RYR1: variants seen among roughly 807,000 people sequenced by gnomAD.
The protein encoded by RYR1 is ryanodine receptor 1, also known as central core disease of muscle.
In RYR1, 342 loss-of-function variants were observed where a neutral mutation model predicts 583.5. The ratio of observed to expected loss-of-function variants is 0.59; its 90% CI spans 0.54 to 0.64. RYR1 has a LOEUF of 0.64. RYR1 is among the 30% of genes least tolerant of loss of function. The pLI, the probability that RYR1 is intolerant of heterozygous loss-of-function variation, is 0.00. For synonymous variants in RYR1, 2,791 were observed against 2,822.5 expected (o/e 0.99, Z 0.35); for missense variants, 6,032 against 6,917.2 (o/e 0.87, Z 4.54).
intron 47 of RYR1, among the ~76,000 whole-genome samples, chr19:38,501,617 G>A (rs1486795736): frequency 3.3e-5 from 5 of 152,204 alleles, no homozygotes; most frequent in South Asian, 2.1e-4. Context: ...AGTGACCACC[G>A]ATTTGGCAAA....
In RYR1 at chr19:38,477,727, G is replaced by C; in HGVS notation, c.4311G>C (p.Arg1437Ser). Residue 1437 changes from arginine to serine, a missense_variant, in exon 30 of 106, where the codon AGG becomes AGC. By Grantham distance (110) the Arg-to-Ser change is moderately radical. This residue lies in a region of RYR1 where 2,627 missense variants were observed against 2,961.3 expected (regional missense o/e 0.89). Coordinates refer to ENST00000359596, the MANE Select transcript of RYR1 (RefSeq NM_000540.3). ...GTCACCAGTACTATTACTCCGTGAG[G>C]GTCTTTGCTGGACAGGAGCCCAGCT... ...LNTTTYYYSV[R>S]VFAGQEPSCV... 1.9e-6 allele frequency: 3 copies of C among 1,614,156 alleles called. No homozygotes were observed. In the Middle Eastern group the frequency reaches 4.9e-4, roughly 266 times the overall value.
chr19:38,466,485 C>CATTTGGGGGCTGAGT, intron 24 of RYR1, 87 bp downstream of exon 24: 1 of 1,297,524 alleles, frequency 7.7e-7, no homozygotes, highest in Non-Finnish European at 1.1e-6. Flanking sequence ...TGACTCAGCC[C>CATTTGGGGGCTGAGT]CCAAATGGGC....
At chr19:38,506,727 T>TCC in intron 56 of RYR1, 102 bp from the exon 57 acceptor site, 1 of 1,441,944 alleles carries the variant, frequency 6.9e-7, no homozygotes, top group Non-Finnish European at 9.5e-7. Context: ...TCGTATCTTC[T>TCC]TTATCACCAT....
intron 84 of RYR1, among the ~76,000 whole-genome samples, chr19:38,538,259 G>A (rs867571953): frequency 6.6e-5 from 10 of 152,130 alleles, no homozygotes; most frequent in African/African-American, 2.4e-4. Context: ...AAATAGCAGG[G>A]CGTGGTGGCA....
At chr19:38,457,045 CCAAAAAAAAA>C (rs1199433263) in intron 16 of RYR1, among the ~76,000 whole-genome samples, 2 of 19,586 alleles carry the variant, frequency 1.0e-4, no homozygotes, top group African/African-American at 4.2e-4. Context: ...GACTCCATCT[CCAAAAAAAAA>C]AAAAAAAAAA....
intron 1 of RYR1, among the ~76,000 whole-genome samples, 155 bp from the exon 2 acceptor site, chr19:38,440,590 G>T: frequency 6.6e-6 from 1 of 152,196 alleles, no homozygotes; most frequent in South Asian, 2.1e-4. Flanking sequence ...GTATCTCAAG[G>T]AGTTGTCAGG....
chr19:38,508,945 G>A (rs1970602406), intron 58 of RYR1, among the ~76,000 whole-genome samples: 1 of 152,146 alleles, frequency 6.6e-6, no homozygotes, highest in Non-Finnish European at 1.5e-5. Flanking sequence ...CAGATTTCTG[G>A]ATCTATTTTG....
intron 53 of RYR1, 29 bp downstream of exon 53, chr19:38,505,427 G>A: frequency 4.0e-6 from 6 of 1,485,710 alleles, no homozygotes; most frequent in Non-Finnish European, 4.6e-6. Flanking sequence ...CCAGCATTGA[G>A]GGTCAAAATG....
intron 54 of RYR1, 60 bp from the exon 55 acceptor site, chr19:38,506,243 C>CT: frequency 6.4e-7 from 1 of 1,558,458 alleles, no homozygotes; most frequent in Non-Finnish European, 8.8e-7. Context: ...TGGGGAGGGG[C>CT]TGGCCTGGGC....
intron 12 of RYR1, 115 bp downstream of exon 12, chr19:38,452,000 A>G: frequency 6.9e-7 from 1 of 1,451,662 alleles, no homozygotes; most frequent in Non-Finnish European, 9.6e-7. Flanking sequence ...TGTCTAACAT[A>G]TACATGGGCC....
In RYR1 at chr19:38,507,775, G is replaced by A; in HGVS notation, c.8880G>A (p.Leu2960=). The change falls in exon 58 of 106, where the codon CTG becomes CTA. Residue 2960 remains leucine (L), a synonymous_variant. Coordinates refer to ENST00000359596, the MANE Select transcript of RYR1 (RefSeq NM_000540.3). ...SIEKRFAFGF[L]QQLLRWMDIS... is the part of the protein sequence containing the mutation. ...AAAAGCGGTTTGCCTTTGGCTTCCT[G>A]CAGCAGCTGCTGCGCTGGATGGACA... is the stretch of plus-strand genomic sequence containing the variant. 6.2e-7 allele frequency: 1 copy of A among 1,613,934 alleles called. No homozygotes were observed. Among genetic ancestry groups the A allele is most frequent in the Non-Finnish European group, 8.5e-7 (1 of 1,179,856 alleles).
intron 16 of RYR1, among the ~76,000 whole-genome samples, chr19:38,455,975 T>G (rs1052318384): frequency 1.5e-4 from 22 of 146,028 alleles, no homozygotes; most frequent in Non-Finnish European, 3.0e-5. Context: ...ATGTTTTTTT[T>G]TTTTTTTTTT....
chr19:38,585,475 T>G (rs1433533803), intron 102 of RYR1, among the ~76,000 whole-genome samples: 1 of 148,878 alleles, frequency 6.7e-6, no homozygotes, highest in Non-Finnish European at 1.5e-5. Flanking sequence ...TATATATATA[T>G]GTATAATTTT....
At chr19:38,571,890 T>C in intron 94 of RYR1, 129 bp from the exon 95 acceptor site, 1 of 1,380,850 alleles carries the variant, frequency 7.2e-7, no homozygotes, top group East Asian at 2.4e-5. Context: ...CAACCCTTGA[T>C]CTTGATTGAC....
chr19:38,536,758 C>A lies in RYR1; in HGVS notation c.11599C>A (p.Arg3867Ser). The part of the protein sequence containing the change: ...MVNEDGTVIN[R>S]QNGEKVMADD... ...CCTGTTGGCTGCCCCAGTCATCAATCGCCAGAACGGTAATTCCCCCAGCCC... is the reference window on the plus strand; with the variant it reads ...CCTGTTGGCTGCCCCAGTCATCAATAGCCAGAACGGTAATTCCCCCAGCCC... The change falls in exon 83 of 106, where the codon CGC becomes AGC. Residue 3867 changes from arginine (R) to serine (S), a missense_variant. By Grantham distance (110) the Arg-to-Ser change is moderately radical. This residue lies in a region of RYR1 where 1,493 missense variants were observed against 1,715.5 expected (regional missense o/e 0.87). Coordinates refer to ENST00000359596, the MANE Select transcript of RYR1 (RefSeq NM_000540.3). 1.9e-6 allele frequency: 3 copies of A among 1,613,918 alleles called. No individual in the cohort carries two copies. Among genetic ancestry groups the A allele is most frequent in the Non-Finnish European group, 2.5e-6 (3 of 1,179,956 alleles).
At chr19:38,436,633 C>T (rs1379844871) in intron 1 of RYR1, among the ~76,000 whole-genome samples, 2 of 152,146 alleles carry the variant, frequency 1.3e-5, no homozygotes, top group African/African-American at 2.4e-5. Context: ...TATCAGTTCA[C>T]CTGCTGATGG....
Position 38,463,441 on chromosome 19 carries a change from C to T in RYR1, c.2596C>T (p.Leu866=). 6.2e-7 allele frequency: 1 copy of T among 1,614,068 alleles called. No individual in the cohort carries two copies. Among genetic ancestry groups the T allele is most frequent in the Admixed American group, 1.7e-5 (1 of 60,022 alleles). ...CCTCTAGATTGTCCTGCCGCCCCAT[C>T]TGGAGCGCATTCGGGAGAAGCTGGC... ...DTVQIVLPPH[L]ERIREKLAEN... Residue 866 remains leucine (L), a synonymous_variant, in exon 21 of 106, where the codon CTG becomes TTG. Coordinates refer to ENST00000359596, the MANE Select transcript of RYR1 (RefSeq NM_000540.3).
intron 13 of RYR1, 116 bp downstream of exon 13, chr19:38,453,130 T>A: frequency 1.9e-6 from 2 of 1,048,120 alleles, no homozygotes; most frequent in Non-Finnish European, 2.7e-6. Flanking sequence ...AAGTAGGGTC[T>A]GAGAAGGGGG....
rs760646023 is a variant in RYR1 at position 38,504,376 on chromosome 19, A to G, written c.8067+16A>G. On this transcript the variant is annotated intron_variant, in intron 50 of 105. Coordinates refer to ENST00000359596, the MANE Select transcript of RYR1 (RefSeq NM_000540.3). ...GGCCCATAAGGTCTGGGCAGCAGGG[A>G]GCCCCAAAATGGCCTATGTGGAGGG... is the stretch of plus-strand genomic sequence containing the variant. 18 of 1,612,116 alleles carry G rather than the reference A, an allele frequency of 1.1e-5. No individual in the cohort carries two copies. The Admixed American group carries it at 2.5e-4, about 22-fold the overall frequency.
Sources: gnomAD v4.1 joint callset for allele counts (sites outside exome capture counted in the v4.1 genomes callset) on GRCh38, gnomAD v4.1.1 for gene constraint, gnomAD v4.1.1 regional missense constraint, MANE v1.5 for transcripts, NCBI Gene and HGNC (gene_info 2026-07-23, HGNC 2026-07-21) for gene names.